Variants in EFCAB6 observed in about 807,000 individuals in gnomAD.
The protein encoded by EFCAB6 is EF-hand calcium-binding domain-containing protein 6.
EFCAB6 carries 156 observed loss-of-function variants against 169.8 expected under a neutral mutation model. That is an observed-to-expected ratio of 0.92 (90% CI 0.81 to 1.05). EFCAB6 has a LOEUF of 1.05. Among genes scored for constraint, EFCAB6 ranks in the 50% least tolerant of loss-of-function variants. The pLI is 0.00. For synonymous variants in EFCAB6, 698 were observed against 676.4 expected (o/e 1.03, Z -0.50); for missense variants, 1,800 against 1,829.1 (o/e 0.98, Z 0.29).
intron 10 of EFCAB6, among the ~76,000 whole-genome samples, chr22:43,691,975 T>TC (rs556758958): frequency 5.3e-5 from 8 of 151,964 alleles, no homozygotes; most frequent in Admixed American, 5.2e-4. Context: ...GGCAGGAACA[T>TC]CAGTTAAAAA....
intron 8 of EFCAB6, among the ~76,000 whole-genome samples, chr22:43,723,604 T>C (rs986017674): frequency 1.3e-5 from 2 of 152,230 alleles, no homozygotes; most frequent in African/African-American, 2.4e-5. Context: ...GATCAAATTA[T>C]GAATAAGGAA....
chr22:43,761,469 A>G (rs956070015), intron 5 of EFCAB6, among the ~76,000 whole-genome samples: 3 of 151,852 alleles, frequency 2.0e-5, no homozygotes, highest in Non-Finnish European at 2.9e-5. Flanking sequence ...TTAATCCACT[A>G]TTTTTACCCA....
chr22:43,625,924 G>A (rs1940455310), intron 20 of EFCAB6, among the ~76,000 whole-genome samples: 1 of 152,252 alleles, frequency 6.6e-6, no homozygotes, highest in South Asian at 2.1e-4. Flanking sequence ...CAGAGGACGG[G>A]CCCAGCCTTG....
chr22:43,696,658 A>G (rs2058587375), intron 10 of EFCAB6, among the ~76,000 whole-genome samples: 1 of 152,214 alleles, frequency 6.6e-6, no homozygotes, highest in South Asian at 2.1e-4. Flanking sequence ...AACATGGATC[A>G]ATCTTTAAAA....
At chr22:43,782,156 T>C (rs1158553786) in intron 3 of EFCAB6, 24 bp downstream of exon 3, 1 of 1,604,962 alleles carries the variant, frequency 6.2e-7, no homozygotes, top group East Asian at 2.2e-5. Context: ...CAGTTAGTGT[T>C]CTTATTTGCT....
At chr22:43,664,226 A>C (rs2057137822) in intron 17 of EFCAB6, among the ~76,000 whole-genome samples, 1 of 152,174 alleles carries the variant, frequency 6.6e-6, no homozygotes, top group Non-Finnish European at 1.5e-5. Context: ...AACCAGCTTC[A>C]AATGTGCGAA....
At chr22:43,757,414 G>A (rs1471714172) in intron 5 of EFCAB6, among the ~76,000 whole-genome samples, 1 of 152,078 alleles carries the variant, frequency 6.6e-6, no homozygotes, top group Non-Finnish European at 1.5e-5. Context: ...GGGCGTGGTA[G>A]GGCATGCTTG....
At chr22:43,786,440 G>C (rs1052466161) in intron 2 of EFCAB6, among the ~76,000 whole-genome samples, 1 of 152,084 alleles carries the variant, frequency 6.6e-6, no homozygotes, top group African/African-American at 2.4e-5. Context: ...AAAAGAAAGT[G>C]GCCGGGCACA....
intron 17 of EFCAB6, among the ~76,000 whole-genome samples, chr22:43,665,500 A>G (rs1035482936): frequency 7.9e-5 from 12 of 152,202 alleles, no homozygotes; most frequent in Non-Finnish European, 1.2e-4. Context: ...AAGAATCAAG[A>G]ATGCAGAGAA....
chr22:43,546,433 A>G (rs73172028), intron 27 of EFCAB6, among the ~76,000 whole-genome samples: 4,820 of 152,284 alleles, frequency 0.032, 88 homozygotes, highest in Non-Finnish European at 0.039. Flanking sequence ...CACGTCTGGC[A>G]GAACATAAAG....
At position 43,714,606 on chromosome 22, in the gene EFCAB6, C is replaced by G. The variant is rs536158034; in HGVS notation, c.882+2242G>C. Among the ~76,000 whole-genome samples, 17 of 151,144 alleles carry G rather than the reference C, an allele frequency of 1.1e-4. No homozygotes were observed. In the South Asian group the frequency reaches 3.3e-3, roughly 30 times the overall value. On this transcript the variant is annotated intron_variant, in intron 9 of 31. Coordinates refer to ENST00000262726, the MANE Select transcript of EFCAB6 (RefSeq NM_022785.4). ...AGGGGGAAAGAATTCCGGCTGACTC[C>G]AGGTTATTTTCACAGCAACATCCAA...
chr22:43,724,142 A>C (rs1213547573), intron 8 of EFCAB6, among the ~76,000 whole-genome samples: 1 of 152,144 alleles, frequency 6.6e-6, no homozygotes, highest in Non-Finnish European at 1.5e-5. Context: ...ACCATGCAGC[A>C]CCTTGAACAC....
At chr22:43,677,663 G>GA (rs1049747104) in intron 13 of EFCAB6, among the ~76,000 whole-genome samples, 1 of 151,918 alleles carries the variant, frequency 6.6e-6, no homozygotes, top group South Asian at 2.1e-4. Flanking sequence ...TCCATCTCAA[G>GA]AAAAAAACAA....
intron 2 of EFCAB6, among the ~76,000 whole-genome samples, chr22:43,789,451 G>C (rs1255824803): frequency 2.6e-5 from 4 of 152,104 alleles, no homozygotes; most frequent in Non-Finnish European, 5.9e-5. Context: ...TTACTTGACA[G>C]TTATTTAGAT....
At chr22:43,776,750 G>T (rs1279146507) in intron 3 of EFCAB6, among the ~76,000 whole-genome samples, 1 of 152,178 alleles carries the variant, frequency 6.6e-6, no homozygotes, top group Non-Finnish European at 1.5e-5. Flanking sequence ...GAGAGGTCAG[G>T]CCAGGGGAGG....
At chr22:43,562,606 CAGGTCA>C (rs2049122619) in intron 26 of EFCAB6, among the ~76,000 whole-genome samples, 1 of 77,580 alleles carries the variant, frequency 1.3e-5, no homozygotes, top group African/African-American at 5.9e-5. Flanking sequence ...GGAGGCAGCC[CAGGTCA>C]GGGGTGGGAG....
intron 21 of EFCAB6, among the ~76,000 whole-genome samples, chr22:43,614,440 C>G (rs150970586): frequency 2.0e-5 from 3 of 152,250 alleles, no homozygotes; most frequent in African/African-American, 7.2e-5. Flanking sequence ...ATAAATGAAT[C>G]TAGACACACA....
intron 17 of EFCAB6, among the ~76,000 whole-genome samples, chr22:43,660,186 C>T (rs932357726): frequency 5.3e-5 from 8 of 152,214 alleles, no homozygotes; most frequent in African/African-American, 1.9e-4. Context: ...TTGTACAGCT[C>T]AATTAATCTA....
At chr22:43,626,336 A>G in intron 20 of EFCAB6, 111 bp downstream of exon 20, 1 of 1,101,702 alleles carries the variant, frequency 9.1e-7, no homozygotes, top group South Asian at 1.6e-5. Context: ...AAAAAGAAAA[A>G]AATAATCACT....
Sources: gnomAD v4.1 joint callset for allele counts (sites outside exome capture counted in the v4.1 genomes callset) on GRCh38, gnomAD v4.1.1 for gene constraint, MANE v1.5 for transcripts, NCBI Gene and HGNC (gene_info 2026-07-23, HGNC 2026-07-21) for gene names.